The following MAF variants were observed in gnomAD, a reference collection of about 807,000 sequenced individuals.
The protein encoded by MAF is transcription factor Maf.
A neutral mutation model predicts 22.0 loss-of-function variants in MAF; 10 were observed. That is an observed-to-expected ratio of 0.45 (90% CI 0.28 to 0.77). The LOEUF (loss-of-function observed/expected upper bound fraction) is 0.77. MAF is among the 30% of genes least tolerant of loss of function. The pLI is 0.12. For synonymous variants in MAF, 337 were observed against 255.8 expected (o/e 1.32, Z -3.03); for missense variants, 544 against 548.4 (o/e 0.99, Z 0.08).
At chr16:79,582,803 A>C (rs2143673048), downstream of MAF, among the ~76,000 whole-genome samples, 1 of 152,298 alleles carries the variant, frequency 6.6e-6, no homozygotes, top group South Asian at 2.1e-4. Context: ...CTCTGCTCCA[A>C]ATCTACAGCA....
At chr16:79,329,965 A>G in the MAF span, among the ~76,000 whole-genome samples, 1 of 152,224 alleles carries the variant, frequency 6.6e-6, no homozygotes, top group South Asian at 2.1e-4. Flanking sequence ...ATAAAAAAAA[A>G]ACAGCAAAAG....
the MAF span, among the ~76,000 whole-genome samples, chr16:79,472,998 C>G: frequency 2.0e-5 from 3 of 152,022 alleles, no homozygotes; most frequent in Non-Finnish European, 4.4e-5. Context: ...AGCTTACATT[C>G]TGGTGGGAAG....
At chr16:79,389,554 G>T in the MAF span, among the ~76,000 whole-genome samples, 909 of 152,154 alleles carry the variant, frequency 6.0e-3, 4 homozygotes, top group Admixed American at 0.014. Flanking sequence ...GAGCCACCGC[G>T]TCCAGCTAAA....
Position 79,594,005 on chromosome 16 carries a change from A to C in MAF, c.*455T>G. 1 of 221,988 alleles carries C rather than the reference A, an allele frequency of 4.5e-6. No individual in the cohort carries two copies. Among genetic ancestry groups the C allele is most frequent in the Non-Finnish European group, 9.1e-6 (1 of 110,194 alleles). 13.8% of individuals were successfully genotyped at this position (221,988 alleles called of 1,614,324 possible). ...CTCTGCCCGTGGATTTGTTTAGGGA[A>C]GGGGAGTCGAATATCTATTTTTCTT... On this transcript the variant is annotated 3_prime_UTR_variant, in exon 2 of 2. Coordinates refer to ENST00000326043, the MANE Select transcript of MAF (RefSeq NM_005360.5).
chr16:79,500,299 C>G, the MAF span, among the ~76,000 whole-genome samples: 2 of 152,186 alleles, frequency 1.3e-5, no homozygotes, highest in Non-Finnish European at 2.9e-5. Context: ...TCCCATCTGC[C>G]ATCTCCACCA....
the MAF span, among the ~76,000 whole-genome samples, chr16:79,281,064 A>C: frequency 1.3e-5 from 2 of 152,332 alleles, no homozygotes; most frequent in South Asian, 2.1e-4. Flanking sequence ...AGAAGGAAAA[A>C]GAGCAGAGAG....
the MAF span, among the ~76,000 whole-genome samples, chr16:79,439,440 T>A: frequency 2.2e-4 from 33 of 151,944 alleles, no homozygotes; most frequent in African/African-American, 7.2e-4. Flanking sequence ...TTTTGTATTT[T>A]TAGTACAGAC....
chr16:79,371,737 C>T, the MAF span, among the ~76,000 whole-genome samples: 1 of 152,174 alleles, frequency 6.6e-6, no homozygotes, highest in Admixed American at 6.5e-5. Context: ...AGCATGTTAC[C>T]CAGGAAACCC....
At chr16:79,544,332 G>T in the MAF span, among the ~76,000 whole-genome samples, 1 of 152,170 alleles carries the variant, frequency 6.6e-6, no homozygotes, top group East Asian at 1.9e-4. Context: ...ATGGCAGATG[G>T]CTACTGCATT....
the MAF span, among the ~76,000 whole-genome samples, chr16:79,260,540 C>T: frequency 6.8e-6 from 1 of 147,056 alleles, no homozygotes; most frequent in Non-Finnish European, 1.5e-5. Context: ...GATGGAAACA[C>T]TATGAGAGCA....
the MAF span, among the ~76,000 whole-genome samples, chr16:79,459,547 C>G: frequency 6.6e-6 from 1 of 151,712 alleles, no homozygotes; most frequent in South Asian, 2.1e-4. Flanking sequence ...TCCCATTGCT[C>G]TTTATTTCAA....
At chr16:79,515,239 T>C in the MAF span, among the ~76,000 whole-genome samples, 2 of 152,242 alleles carry the variant, frequency 1.3e-5, no homozygotes, top group African/African-American at 2.4e-5. Context: ...TTACTCCTAG[T>C]AGTCCCTGAT....
the MAF span, among the ~76,000 whole-genome samples, chr16:79,580,399 G>A: frequency 6.6e-6 from 1 of 152,202 alleles, no homozygotes; most frequent in Admixed American, 6.5e-5. Flanking sequence ...TGACTAGAAT[G>A]CCTAGGACAC....
chr16:79,285,644 G>A, the MAF span, among the ~76,000 whole-genome samples: 1 of 152,008 alleles, frequency 6.6e-6, no homozygotes, highest in Admixed American at 6.5e-5. Flanking sequence ...TCCAGGGGTG[G>A]GGAATCCATT....
the MAF span, among the ~76,000 whole-genome samples, chr16:79,500,179 T>C: frequency 6.6e-6 from 1 of 152,216 alleles, no homozygotes; most frequent in Non-Finnish European, 1.5e-5. Flanking sequence ...ACTGTTGGCT[T>C]AGGCCACCCA....
the MAF span, among the ~76,000 whole-genome samples, chr16:79,569,813 A>G: frequency 0.2 from 30,206 of 152,180 alleles, 3,479 homozygotes; most frequent in Non-Finnish European, 0.26. Context: ...AATGTTAGGA[A>G]CCACCAACCT....
the MAF span, among the ~76,000 whole-genome samples, chr16:79,429,064 G>T: frequency 6.6e-6 from 1 of 152,106 alleles, no homozygotes; most frequent in South Asian, 2.1e-4. Context: ...AAGCAATGCG[G>T]ATGTCTTTAA....
the MAF span, among the ~76,000 whole-genome samples, chr16:79,339,878 C>T: frequency 7.9e-5 from 12 of 152,216 alleles, no homozygotes; most frequent in African/African-American, 1.2e-4. Flanking sequence ...GATTTCTTGT[C>T]TCCCCTTCTC....
the MAF span, among the ~76,000 whole-genome samples, chr16:79,347,604 G>A: frequency 1.3e-5 from 2 of 152,306 alleles, no homozygotes; most frequent in South Asian, 2.1e-4. Flanking sequence ...AAAAGCGGCA[G>A]GGGAGGTGTC....
Sources: allele counts gnomAD v4.1 joint callset (sites outside exome capture counted in the v4.1 genomes callset), GRCh38; gene constraint gnomAD v4.1.1; transcripts MANE v1.5; gene names NCBI Gene and HGNC (gene_info 2026-07-23, HGNC 2026-07-21).